AMOTL1: variants seen among roughly 807,000 people sequenced by gnomAD.
AMOTL1 encodes angiomotin like 1, also known as angiomotin-like protein 1.
A neutral mutation model predicts 102.9 loss-of-function variants in AMOTL1; 45 were observed. That is an observed-to-expected ratio of 0.44 (90% CI 0.34 to 0.56). The LOEUF (loss-of-function observed/expected upper bound fraction) is 0.56. Among genes scored for constraint, AMOTL1 ranks in the 20% least tolerant of loss-of-function variants. The pLI, the probability that AMOTL1 is intolerant of heterozygous loss-of-function variation, is 0.01. For synonymous variants in AMOTL1, 481 were observed against 484.7 expected (o/e 0.99, Z 0.10); for missense variants, 1,114 against 1,225.6 (o/e 0.91, Z 1.36).
chr11:94,860,146 A>T (rs1340461788), intron 9 of AMOTL1, among the ~76,000 whole-genome samples: 1 of 152,214 alleles, frequency 6.6e-6, no homozygotes, highest in East Asian at 1.9e-4. Flanking sequence ...GGCACTTTTT[A>T]ATGCTGCGTT....
At chr11:94,844,080 T>A (rs1281113441) in intron 6 of AMOTL1, among the ~76,000 whole-genome samples, 1 of 152,156 alleles carries the variant, frequency 6.6e-6, no homozygotes, top group African/African-American at 2.4e-5. Context: ...GAGACTGTCC[T>A]CTAAAATCAG....
intron 3 of AMOTL1, among the ~76,000 whole-genome samples, chr11:94,809,920 G>A (rs868561454): frequency 6.6e-6 from 1 of 152,048 alleles, no homozygotes; most frequent in Non-Finnish European, 1.5e-5. Flanking sequence ...GAGCTTTTAT[G>A]TATTTTTAGT....
At chr11:94,748,384 C>T (rs1400898316) in intron 3 of AMOTL1, among the ~76,000 whole-genome samples, 1 of 152,200 alleles carries the variant, frequency 6.6e-6, no homozygotes, top group Admixed American at 6.5e-5. Flanking sequence ...ATGGTGTTCA[C>T]TTATATTCCA....
At chr11:94,857,175 A>AC (rs1367900522) in intron 8 of AMOTL1, among the ~76,000 whole-genome samples, 2 of 152,196 alleles carry the variant, frequency 1.3e-5, no homozygotes, top group African/African-American at 4.8e-5. Flanking sequence ...AATTATACTT[A>AC]CCTCACACTT....
At chr11:94,707,240 CTCTCTCTCTCTGTGTGTGTG>C (rs1364440354) in intron 1 of AMOTL1, among the ~76,000 whole-genome samples, 4,365 of 86,706 alleles carry the variant, frequency 0.05, 65 homozygotes, top group Non-Finnish European at 0.09. Flanking sequence ...CTCTCTCTCT[CTCTCTCTCTCTGTGTGTGTG>C]TGTGTGTGTG....
intron 3 of AMOTL1, among the ~76,000 whole-genome samples, chr11:94,750,415 C>T (rs1341986011): frequency 1.3e-5 from 2 of 152,230 alleles, no homozygotes; most frequent in African/African-American, 4.8e-5. Context: ...GAGAGCCTGA[C>T]TGGTTTCCCA....
At chr11:94,768,210 G>A, upstream of AMOTL1, 1 of 1,090,146 alleles carries the variant, frequency 9.2e-7, no homozygotes. Flanking sequence ...TCGCGGCCCG[G>A]GGAGGGGCGG....
At chr11:94,793,082 A>G (rs1951313330) in intron 1 of AMOTL1, among the ~76,000 whole-genome samples, 1 of 152,174 alleles carries the variant, frequency 6.6e-6, no homozygotes, top group Admixed American at 6.5e-5. Flanking sequence ...ATATACACAC[A>G]CACATATATA....
intron 1 of AMOTL1, among the ~76,000 whole-genome samples, chr11:94,719,777 A>G (rs1950149547): frequency 6.6e-6 from 1 of 152,112 alleles, no homozygotes; most frequent in Admixed American, 6.5e-5. Context: ...TTTACAATTA[A>G]AAACAGAATC....
At chr11:94,727,517 A>T (rs1950280604) in intron 1 of AMOTL1, among the ~76,000 whole-genome samples, 1 of 152,180 alleles carries the variant, frequency 6.6e-6, no homozygotes, top group Non-Finnish European at 1.5e-5. Context: ...CAGCTTCCTC[A>T]ATCCACTGAC....
chr11:94,837,417 T>G (rs1952206961), intron 6 of AMOTL1, among the ~76,000 whole-genome samples: 1 of 152,252 alleles, frequency 6.6e-6, no homozygotes, highest in African/African-American at 2.4e-5. Flanking sequence ...GGCATGCACC[T>G]TCTCCAGAAG....
At chr11:94,768,965 G>A (rs933719935) in intron 1 of AMOTL1, among the ~76,000 whole-genome samples, 4 of 152,054 alleles carry the variant, frequency 2.6e-5, no homozygotes, top group Non-Finnish European at 5.9e-5. Flanking sequence ...AGCTTTCCCC[G>A]GCGCGAGACA....
intron 9 of AMOTL1, among the ~76,000 whole-genome samples, chr11:94,864,257 AATAAT>A (rs1952833143): frequency 6.6e-6 from 1 of 151,734 alleles, no homozygotes; most frequent in African/African-American, 2.4e-5. Context: ...ATACAATAAT[AATAAT>A]AATAATAATA....
intron 3 of AMOTL1, among the ~76,000 whole-genome samples, chr11:94,818,734 C>T (rs557208438): frequency 1.3e-4 from 20 of 152,256 alleles, no homozygotes; most frequent in Admixed American, 9.8e-4. Context: ...CCTGGCTACA[C>T]GTCTCCAAAG....
intron 1 of AMOTL1, among the ~76,000 whole-genome samples, chr11:94,719,626 C>A (rs1255515392): frequency 6.6e-6 from 1 of 151,546 alleles, no homozygotes; most frequent in Admixed American, 6.6e-5. Flanking sequence ...GAAACATAGG[C>A]AATATTTGGA....
chr11:94,782,346 C>T (rs905663551), intron 1 of AMOTL1, among the ~76,000 whole-genome samples: 8 of 152,056 alleles, frequency 5.3e-5, no homozygotes, highest in African/African-American at 1.5e-4. Context: ...TATCTGCCAC[C>T]GTGAACTGGA....
At chr11:94,761,049 C>T (rs1950786206) in intron 3 of AMOTL1, among the ~76,000 whole-genome samples, 1 of 152,124 alleles carries the variant, frequency 6.6e-6, no homozygotes. Flanking sequence ...GCTGGGATTA[C>T]AGGAATAAGT....
intron 3 of AMOTL1, among the ~76,000 whole-genome samples, chr11:94,810,600 C>T (rs1478175853): frequency 6.6e-6 from 1 of 151,594 alleles, no homozygotes; most frequent in South Asian, 2.1e-4. Flanking sequence ...TCTTGGGGTT[C>T]CATAAGGAAA....
intron 3 of AMOTL1, among the ~76,000 whole-genome samples, chr11:94,747,170 T>C (rs1950599179): frequency 6.6e-6 from 1 of 152,188 alleles, no homozygotes; most frequent in Admixed American, 6.5e-5. Context: ...GTGCTTATTT[T>C]AGAAAATCTG....
Sources: gnomAD v4.1 joint callset for allele counts (sites outside exome capture counted in the v4.1 genomes callset) on GRCh38, gnomAD v4.1.1 for gene constraint, MANE v1.5 for transcripts, NCBI Gene and HGNC (gene_info 2026-07-23, HGNC 2026-07-21) for gene names.